ERBB4: variants seen among roughly 807,000 people sequenced by gnomAD.
ERBB4 encodes the protein erb-b2 receptor tyrosine kinase 4.
In ERBB4, 42 loss-of-function variants were observed where a neutral mutation model predicts 158.0. The observed-to-expected ratio is 0.27, with a 90% CI of 0.21 to 0.34. The LOEUF (loss-of-function observed/expected upper bound fraction) is 0.34, where lower values mean the gene tolerates loss of function less well. ERBB4 is among the 10% of genes least tolerant of loss of function. The probability of loss-of-function intolerance (pLI) is 1.00; values close to 1 mark genes in which losing one functional copy is unlikely to be tolerated. For synonymous variants in ERBB4, 583 were observed against 558.7 expected (o/e 1.04, Z -0.61); for missense variants, 1,333 against 1,624.1 (o/e 0.82, Z 3.08).
rs2073266918 is a variant in ERBB4 at position 211,701,867 on chromosome 2, C to G, written c.1489+100G>C. On this transcript the variant is annotated intron_variant, in intron 12 of 27. Transcript: ENST00000342788. ...CTTTTTAAGGGTTGGGATAACAGAG[C>G]AACAATTCTGACCGGATGTTATTTT... 8 of 864,756 alleles carry G rather than the reference C, an allele frequency of 9.3e-6. No homozygotes were observed. In the South Asian group the frequency reaches 1.1e-4, roughly 12 times the overall value. The allele number at this position is 864,756 out of a possible 1,614,324, so 53.6% of individuals were successfully genotyped here. A position where few individuals can be genotyped will look rare whatever the true frequency, so the allele number is the denominator to read the frequency against.
chr2:212,456,900 T>C (rs1342594117), intron 1 of ERBB4, among the ~76,000 whole-genome samples: 2 of 152,096 alleles, frequency 1.3e-5, no homozygotes, highest in South Asian at 4.2e-4. Flanking sequence ...TGGCCTTTTT[T>C]CTCCCCTAAA....
At chr2:211,553,502 T>C (rs2067159358) in intron 20 of ERBB4, among the ~76,000 whole-genome samples, 1 of 152,220 alleles carries the variant, frequency 6.6e-6, no homozygotes, top group South Asian at 2.1e-4. Flanking sequence ...TAAATGACGG[T>C]ATTTTTTACG....
chr2:211,505,973 A>ATAAAAT (rs879370236), intron 20 of ERBB4, among the ~76,000 whole-genome samples: 13 of 151,796 alleles, frequency 8.6e-5, no homozygotes, highest in African/African-American at 2.9e-4. Flanking sequence ...AAAAAAAAAA[A>ATAAAAT]AAAGTTATAG....
intron 1 of ERBB4, among the ~76,000 whole-genome samples, chr2:212,498,465 A>G (rs374274158): frequency 6.6e-6 from 1 of 152,172 alleles, no homozygotes; most frequent in Non-Finnish European, 1.5e-5. Flanking sequence ...AAGACTCTCC[A>G]AAGGATTGAG....
intron 17 of ERBB4, among the ~76,000 whole-genome samples, chr2:211,626,844 G>A (rs1169254226): frequency 6.6e-6 from 1 of 151,666 alleles, no homozygotes; most frequent in African/African-American, 2.4e-5. Flanking sequence ...AGAACGGCGT[G>A]AACCCAGGAG....
chr2:211,997,900 A>C, intron 2 of ERBB4, among the ~76,000 whole-genome samples: 1 of 44,222 alleles, frequency 2.3e-5, no homozygotes, highest in Non-Finnish European at 1.2e-4. Context: ...ATTTTTATAC[A>C]CACACACATC....
At chr2:212,113,789 A>G (rs1192036890) in intron 2 of ERBB4, among the ~76,000 whole-genome samples, 1 of 152,116 alleles carries the variant, frequency 6.6e-6, no homozygotes, top group Non-Finnish European at 1.5e-5. Context: ...TAAGCTAAGT[A>G]TCCCATGTTT....
At chr2:211,928,942 G>A (rs1429002630) in intron 3 of ERBB4, among the ~76,000 whole-genome samples, 6 of 152,172 alleles carry the variant, frequency 3.9e-5, no homozygotes, top group African/African-American at 1.2e-4. Flanking sequence ...GATGTTAAGA[G>A]TTCAAGGGAG....
chr2:212,340,555 G>A (rs2106318067), intron 1 of ERBB4, among the ~76,000 whole-genome samples: 1 of 152,304 alleles, frequency 6.6e-6, no homozygotes, highest in Non-Finnish European at 1.5e-5. Context: ...TAAGGAGCAT[G>A]CCACCCAGAT....
In ERBB4 at chr2:212,064,988, GGTGTGTGTGTGTGTGT is replaced by G. The variant is rs34396660; in HGVS notation, c.234+59748_234+59763del. Among the ~76,000 whole-genome samples, 10 of 143,284 alleles carry G rather than the reference GGTGTGTGTGTGTGTGT, an allele frequency of 7.0e-5. 1 individual carries two copies. Among genetic ancestry groups the G allele is most frequent in the Non-Finnish European group, 6.1e-5 (4 of 65,272 alleles). The allele number at this position is 143,284 out of a possible 152,430, so 94.0% of individuals were successfully genotyped here. A position where few individuals can be genotyped will look rare whatever the true frequency, so the allele number is the denominator to read the frequency against. On this transcript the variant is annotated intron_variant, in intron 2 of 27. Transcript: ENST00000342788. Reference sequence around the variant, plus strand: ...TCCACCACCATAACAACATCTTTATGGTGTGTGTGTGTGTGTGTGTGTGTGTGTGTGTGTGTGTGTT... The same window carrying G: ...TCCACCACCATAACAACATCTTTATGGTGTGTGTGTGTGTGTGTGTGTGTT...
At chr2:212,300,312 G>C (rs2086571947) in intron 1 of ERBB4, among the ~76,000 whole-genome samples, 1 of 151,480 alleles carries the variant, frequency 6.6e-6, no homozygotes, top group South Asian at 2.1e-4. Context: ...ATATTCACAT[G>C]CTCTTGATTT....
chr2:212,388,635 G>A (rs1292812687), intron 1 of ERBB4, among the ~76,000 whole-genome samples: 5 of 152,046 alleles, frequency 3.3e-5, no homozygotes, highest in African/African-American at 4.8e-5. Context: ...AAAATGGACT[G>A]AACCTAGAAG....
In ERBB4 at chr2:211,705,303, A is replaced by C; in HGVS notation, c.1198+15T>G. ...ATATTGTTCATAGCGCAACAGTTGC[A>C]GTTTAAAAAATTACCTGTTATCTCT... On this transcript the variant is annotated intron_variant, in intron 10 of 27. Coordinates refer to ENST00000342788, the MANE Select transcript of ERBB4 (RefSeq NM_005235.3). The C allele has an allele frequency of 6.4e-7, 1 of 1,551,860 alleles. No homozygotes were observed. The highest frequency in any genetic ancestry group is 8.9e-7 in the Non-Finnish European group (1 of 1,123,778).
At chr2:212,270,158 T>C (rs1447735504) in intron 1 of ERBB4, among the ~76,000 whole-genome samples, 2 of 151,778 alleles carry the variant, frequency 1.3e-5, no homozygotes, top group Non-Finnish European at 2.9e-5. Flanking sequence ...CAATATACAC[T>C]TAAAAGATAA....
chr2:211,740,550 C>T (rs1343517006), intron 5 of ERBB4, among the ~76,000 whole-genome samples: 1 of 151,170 alleles, frequency 6.6e-6, no homozygotes, highest in Non-Finnish European at 1.5e-5. Flanking sequence ...TATCCTCTTT[C>T]ATCTCTGTAC....
intron 20 of ERBB4, among the ~76,000 whole-genome samples, chr2:211,476,773 C>T (rs944562646): frequency 1.3e-5 from 2 of 152,036 alleles, no homozygotes; most frequent in East Asian, 1.9e-4. Flanking sequence ...TTTGATTGTG[C>T]CTCTAGATCC....
intron 3 of ERBB4, among the ~76,000 whole-genome samples, chr2:211,836,010 A>C (rs2077333026): frequency 6.6e-6 from 1 of 152,094 alleles, no homozygotes; most frequent in Admixed American, 6.6e-5. Flanking sequence ...GCCTATGTTT[A>C]TTGCTACTTA....
chr2:212,167,869 C>G (rs2081394873), intron 1 of ERBB4, among the ~76,000 whole-genome samples: 1 of 151,970 alleles, frequency 6.6e-6, no homozygotes, highest in South Asian at 2.1e-4. Context: ...TGTTCTCACT[C>G]ATAAGTGGGA....
chr2:212,109,043 T>A (rs1286200646), intron 2 of ERBB4, among the ~76,000 whole-genome samples: 1 of 152,182 alleles, frequency 6.6e-6, no homozygotes, highest in Non-Finnish European at 1.5e-5. Context: ...TGTCCTACTC[T>A]GCAGAATGTT....
Sources: gnomAD v4.1 joint callset for allele counts (sites outside exome capture counted in the v4.1 genomes callset) on GRCh38, gnomAD v4.1.1 for gene constraint, MANE v1.5 for transcripts, NCBI Gene and HGNC (gene_info 2026-07-23, HGNC 2026-07-21) for gene names.